Variants in PUS7 observed in about 807,000 individuals in gnomAD.
PUS7 encodes the protein pseudouridine synthase 7, also known as pseudouridylate synthase 7 homolog.
PUS7 carries 48 observed loss-of-function variants against 79.8 expected under a neutral mutation model. The ratio of observed to expected loss-of-function variants is 0.60; its 90% confidence interval spans 0.48 to 0.76. The LOEUF is 0.76. PUS7 is among the 30% of genes least tolerant of loss of function. PUS7 has a pLI of 0.00. For synonymous variants in PUS7, 286 were observed against 272.2 expected (o/e 1.05, Z -0.50); for missense variants, 729 against 797.6 (o/e 0.91, Z 1.04).
intron 7 of PUS7, among the ~76,000 whole-genome samples, chr7:105,489,895 G>C (rs1005665852): frequency 2.6e-5 from 4 of 152,054 alleles, no homozygotes; most frequent in Admixed American, 2.6e-4. Context: ...GAGGTGGGTG[G>C]ATCACCTGAG....
At position 105,522,124 on chromosome 7, in the gene PUS7, G is replaced by A. The variant is rs1018681228; in HGVS notation, c.-105C>T. 3 of 152,204 alleles carry A rather than the reference G, an allele frequency of 2.0e-5. No homozygotes were observed. The highest frequency in any genetic ancestry group is 2.9e-5 in the Non-Finnish European group (2 of 68,122). The allele number at this position is 152,204 out of a possible 1,614,324, so 9.4% of individuals were successfully genotyped here. A position where few individuals can be genotyped will look rare whatever the true frequency, so the allele number is the denominator to read the frequency against. On this transcript the variant is annotated 5_prime_UTR_variant, in exon 1 of 16. Coordinates refer to ENST00000469408, the MANE Select transcript of PUS7 (RefSeq NM_019042.5). ...CCAGCGCTCTGGTTGGGACGCAAGA[G>A]AGCGGCGAAGGCCACTTGGATGAGC...
chr7:105,517,039 A>G (rs2133296468), intron 1 of PUS7, among the ~76,000 whole-genome samples: 1 of 152,320 alleles, frequency 6.6e-6, no homozygotes, highest in East Asian at 1.9e-4. Context: ...CAAATACACT[A>G]TCCATGATAG....
intron 9 of PUS7, among the ~76,000 whole-genome samples, chr7:105,472,989 CT>C (rs1447337075): frequency 3.4e-5 from 5 of 148,738 alleles, no homozygotes; most frequent in Non-Finnish European, 7.4e-5. Flanking sequence ...TCTCGAACTC[CT>C]GACCTTGTGA....
At chr7:105,509,670 G>T (rs1006971619) in intron 1 of PUS7, among the ~76,000 whole-genome samples, 23 of 152,096 alleles carry the variant, frequency 1.5e-4, no homozygotes, top group African/African-American at 4.8e-4. Flanking sequence ...TAAAGACTAG[G>T]TCTCGCTATT....
intron 9 of PUS7, among the ~76,000 whole-genome samples, chr7:105,480,433 C>T (rs915110473): frequency 2.0e-5 from 3 of 152,024 alleles, no homozygotes; most frequent in African/African-American, 7.2e-5. Context: ...CAACATTGCA[C>T]CACTGTACTT....
intron 7 of PUS7, among the ~76,000 whole-genome samples, chr7:105,486,773 C>T (rs983611128): frequency 6.6e-6 from 1 of 151,534 alleles, no homozygotes; most frequent in Non-Finnish European, 1.5e-5. Context: ...ATATAAAATT[C>T]ACAAGGCTGG....
At chr7:105,460,949 C>G (rs948094505) in intron 14 of PUS7, among the ~76,000 whole-genome samples, 5 of 152,102 alleles carry the variant, frequency 3.3e-5, no homozygotes, top group Admixed American at 6.5e-5. Flanking sequence ...CTTACTGCAG[C>G]CTCGACCTTC....
At chr7:105,486,036 C>T (rs1226778929) in intron 7 of PUS7, among the ~76,000 whole-genome samples, 2 of 140,056 alleles carry the variant, frequency 1.4e-5, no homozygotes, top group Admixed American at 7.2e-5. Flanking sequence ...ATTTTTCTTT[C>T]TTTTTTTTTT....
chr7:105,512,420 A>G (rs766491107), intron 1 of PUS7, among the ~76,000 whole-genome samples: 15 of 152,194 alleles, frequency 9.9e-5, no homozygotes, highest in Non-Finnish European at 2.2e-4. Context: ...ACAAAAATGG[A>G]CCAGGGCTTA....
chr7:105,497,254 C>CT (rs1825075744), intron 5 of PUS7, among the ~76,000 whole-genome samples: 2 of 152,190 alleles, frequency 1.3e-5, no homozygotes, highest in South Asian at 4.1e-4. Context: ...GCTGCACTGT[C>CT]TGTACCCATG....
chr7:105,470,860 A>T lies in PUS7; in HGVS notation c.1238-12T>A. ...GTAGCCCTTTTCAGCTGCGGGGGGA[A>T]AAAGCTAGGGTTAAATGACTTACCC... On this transcript the variant is annotated splice_polypyrimidine_tract_variant and intron_variant, in intron 10 of 15. Coordinates refer to ENST00000469408, the MANE Select transcript of PUS7 (RefSeq NM_019042.5). The T allele has an allele frequency of 6.4e-7, 1 of 1,570,114 alleles. No homozygotes were observed. Among genetic ancestry groups the T allele is most frequent in the African/African-American group, 1.4e-5 (1 of 73,962 alleles).
At chr7:105,505,150 G>T (rs1028456742) in intron 4 of PUS7, among the ~76,000 whole-genome samples, 1 of 151,652 alleles carries the variant, frequency 6.6e-6, no homozygotes, top group African/African-American at 2.4e-5. Flanking sequence ...ACAGGCCTGC[G>T]CTACCACGCT....
intron 11 of PUS7, among the ~76,000 whole-genome samples, chr7:105,469,819 C>A (rs1823802179): frequency 6.6e-6 from 1 of 152,186 alleles, no homozygotes; most frequent in South Asian, 2.1e-4. Context: ...TCTCGAACTC[C>A]TAGCCTCAAG....
In PUS7 at chr7:105,511,774, C is replaced by T. The variant is rs573289463; in HGVS notation, c.-32-3230G>A. On this transcript the variant is annotated intron_variant, in intron 1 of 15. Transcript: ENST00000469408. ...AGTCTCCATCTCAAACAAAACAAAA[C>T]GAACAAAACAAAACAAAAAAGTATT... Among the ~76,000 whole-genome samples the T allele has an allele frequency of 2.3e-3, 344 of 151,610 alleles. 1 individual carries two copies. The highest frequency in any genetic ancestry group is 0.01 in the Middle Eastern group (3 of 292).
chr7:105,515,979 T>G (rs2079608212), intron 1 of PUS7, among the ~76,000 whole-genome samples: 1 of 151,986 alleles, frequency 6.6e-6, no homozygotes, highest in Non-Finnish European at 1.5e-5. Flanking sequence ...CCAGCTAATT[T>G]TTTGTATTTT....
At chr7:105,462,775 T>G in intron 13 of PUS7, 25 bp from the exon 14 acceptor site, 3 of 1,598,068 alleles carry the variant, frequency 1.9e-6, no homozygotes, top group Non-Finnish European at 2.6e-6. Context: ...AAAAAGTTAG[T>G]TGAAATGCAG....
chr7:105,486,744 T>A (rs973626131), intron 7 of PUS7, among the ~76,000 whole-genome samples: 2 of 151,836 alleles, frequency 1.3e-5, no homozygotes, highest in East Asian at 3.9e-4. Flanking sequence ...TTTTTTTAAG[T>A]TGAGATAAAG....
At chr7:105,469,325 C>T (rs1011146559) in intron 11 of PUS7, among the ~76,000 whole-genome samples, 2 of 151,806 alleles carry the variant, frequency 1.3e-5, no homozygotes, top group Admixed American at 6.6e-5. Flanking sequence ...AGGTCTCACT[C>T]TGTCACCTAG....
Position 105,465,458 on chromosome 7 carries a change from A to G in PUS7, c.1526-44T>C, listed in dbSNP as rs759507813. On this transcript the variant is annotated intron_variant, in intron 12 of 15. Transcript: ENST00000469408. ...ACAATAAATTAAGAAAATAGGCAAT[A>G]TTGTTATGAACTCAATCTTCTAAAA... 5 of 1,366,224 alleles carry G rather than the reference A, an allele frequency of 3.7e-6. No individual in the cohort carries two copies. The African/African-American group carries it at 5.7e-5, about 16-fold the overall frequency. 84.6% of individuals were successfully genotyped at this position (1,366,224 alleles called of 1,614,324 possible).
Sources: allele counts gnomAD v4.1 joint callset (sites outside exome capture counted in the v4.1 genomes callset), GRCh38; gene constraint gnomAD v4.1.1; transcripts MANE v1.5; gene names NCBI Gene and HGNC (gene_info 2026-07-23, HGNC 2026-07-21).